Variants in KCNK2 observed in about 807,000 individuals in gnomAD.
The protein encoded by KCNK2 is potassium two pore domain channel subfamily K member 2.
KCNK2 carries 21 observed loss-of-function variants against 40.5 expected under a neutral mutation model. The observed-to-expected ratio is 0.52, with a 90% confidence interval of 0.37 to 0.75. The LOEUF (loss-of-function observed/expected upper bound fraction) is 0.75. Ranked by LOEUF, KCNK2 falls within the 30% of genes least tolerant of loss-of-function variation. KCNK2 has a pLI of 0.00. For missense variants in KCNK2, 399 were observed against 531.6 expected, an observed-to-expected ratio of 0.75 and a Z score of 2.45; for synonymous variants, 191 against 202.2, an observed-to-expected ratio of 0.94 and a Z score of 0.47.
intron 3 of KCNK2, among the ~76,000 whole-genome samples, chr1:215,166,343 A>G (rs976439619): frequency 2.0e-5 from 3 of 152,258 alleles, no homozygotes; most frequent in Middle Eastern, 3.4e-3. Flanking sequence ...GAGGATTCAA[A>G]AGATGAAAAT....
intron 5 of KCNK2, among the ~76,000 whole-genome samples, chr1:215,190,097 T>C (rs1249021381): frequency 6.6e-6 from 1 of 152,244 alleles, no homozygotes; most frequent in Admixed American, 6.5e-5. Context: ...AAAACCAGGA[T>C]ATATCTTTTT....
chr1:215,107,677 TA>T (rs1660490840), intron 2 of KCNK2, among the ~76,000 whole-genome samples: 1 of 152,140 alleles, frequency 6.6e-6, no homozygotes, highest in African/African-American at 2.4e-5. Flanking sequence ...TAGCCCATTT[TA>T]AAAATCAAGT....
intron 1 of KCNK2, among the ~76,000 whole-genome samples, chr1:215,034,554 CT>C (rs146364657): frequency 0.018 from 2,704 of 152,170 alleles, 78 homozygotes; most frequent in African/African-American, 0.062. Flanking sequence ...CTTGAAAGTT[CT>C]GGTTGCTGCA....
intron 5 of KCNK2, among the ~76,000 whole-genome samples, chr1:215,183,698 C>T (rs1439086979): frequency 6.6e-6 from 1 of 152,006 alleles, no homozygotes; most frequent in Non-Finnish European, 1.5e-5. Flanking sequence ...TTAAAAAATT[C>T]AGTTTGAAGT....
chr1:215,032,438 CT>C (rs202180057), intron 1 of KCNK2, among the ~76,000 whole-genome samples: 7 of 151,178 alleles, frequency 4.6e-5, no homozygotes, highest in East Asian at 1.9e-4. Flanking sequence ...AAACAGTAAA[CT>C]TTTTTTTTAT....
chr1:215,015,833 A>C (rs905863368), intron 1 of KCNK2, among the ~76,000 whole-genome samples: 1 of 152,174 alleles, frequency 6.6e-6, no homozygotes, highest in African/African-American at 2.4e-5. Context: ...ATACTGAGCA[A>C]ACATAAAATT....
At chr1:215,151,304 C>T (rs1483812376) in intron 3 of KCNK2, among the ~76,000 whole-genome samples, 1 of 152,100 alleles carries the variant, frequency 6.6e-6, no homozygotes, top group Non-Finnish European at 1.5e-5. Flanking sequence ...CACCCTTATT[C>T]ATTGGTTAGT....
intron 6 of KCNK2, among the ~76,000 whole-genome samples, chr1:215,196,495 C>T (rs1204754669): frequency 6.6e-6 from 1 of 152,282 alleles, no homozygotes; most frequent in Non-Finnish European, 1.5e-5. Flanking sequence ...TGGGAATTTA[C>T]TTATTCAGTC....
chr1:215,062,534 G>A (rs1430107349), intron 1 of KCNK2, among the ~76,000 whole-genome samples: 4 of 151,092 alleles, frequency 2.6e-5, no homozygotes, highest in Non-Finnish European at 4.4e-5. Flanking sequence ...GATGAACATG[G>A]AAACAAGAAC....
intron 5 of KCNK2, among the ~76,000 whole-genome samples, chr1:215,191,190 C>T (rs963022445): frequency 2.0e-5 from 3 of 151,084 alleles, no homozygotes; most frequent in African/African-American, 7.3e-5. Flanking sequence ...GAAGCTGAGG[C>T]AGGAGAATCG....
chr1:215,191,843 C>A, intron 5 of KCNK2, among the ~76,000 whole-genome samples: 1 of 151,814 alleles, frequency 6.6e-6, no homozygotes, highest in East Asian at 1.9e-4. Flanking sequence ...GGTGGGGAAC[C>A]TAGGAGGGGA....
chr1:215,215,512 T>C (rs922924171), intron 6 of KCNK2, among the ~76,000 whole-genome samples: 15 of 152,010 alleles, frequency 9.9e-5, no homozygotes, highest in African/African-American at 3.6e-4. Flanking sequence ...GCAGTGGGAG[T>C]GAAGGAGTTC....
intron 1 of KCNK2, among the ~76,000 whole-genome samples, chr1:215,064,451 A>G (rs539603483): frequency 9.9e-5 from 15 of 152,190 alleles, no homozygotes; most frequent in Non-Finnish European, 1.9e-4. Context: ...AGTCCTAGAC[A>G]GGATGTTTGA....
chr1:215,231,747 C>T (rs982541399), intron 6 of KCNK2, among the ~76,000 whole-genome samples: 2 of 152,138 alleles, frequency 1.3e-5, no homozygotes, highest in Non-Finnish European at 2.9e-5. Flanking sequence ...ATACCTGAGA[C>T]TCAGTAATTT....
At chr1:215,037,774 G>A (rs1295706331) in intron 1 of KCNK2, among the ~76,000 whole-genome samples, 2 of 151,784 alleles carry the variant, frequency 1.3e-5, no homozygotes, top group Non-Finnish European at 2.9e-5. Context: ...TTAATAATTT[G>A]TGTTATTCAG....
chr1:215,235,011 A>G lies in KCNK2; in HGVS notation c.1147A>G (p.Thr383Ala), dbSNP rs1211801368. ...HNQELTPCRRTLSVNHLTSER... is the reference protein window; with the variant it reads ...HNQELTPCRRALSVNHLTSER... ...TCAGGAGCTGACTCCTTGTAGGAGG[A>G]CCCTGTCAGTGAACCACCTGACCAG... The change falls in exon 7 of 7, where the codon ACC (threonine) becomes GCC (alanine). Residue 383 changes from threonine (T) to alanine (A), a missense_variant. Around this residue, in one of 3 missense-constraint regions of KCNK2, gnomAD observed 103 missense variants for 124.3 expected, o/e 0.83. Coordinates refer to ENST00000444842, the MANE Select transcript of KCNK2 (RefSeq NM_001017425.3). 1.9e-6 allele frequency: 3 copies of G among 1,613,914 alleles called. No individual in the cohort carries two copies. The highest frequency in any genetic ancestry group is 2.5e-6 in the Non-Finnish European group (3 of 1,180,010).
At chr1:215,172,932 G>A (rs550454085) in intron 5 of KCNK2, among the ~76,000 whole-genome samples, 1 of 152,162 alleles carries the variant, frequency 6.6e-6, no homozygotes, top group Non-Finnish European at 1.5e-5. Flanking sequence ...ACAGGCACAA[G>A]CCACTACGCC....
chr1:215,232,819 AAAAT>A (rs1284628170), intron 6 of KCNK2, among the ~76,000 whole-genome samples: 1 of 152,232 alleles, frequency 6.6e-6, no homozygotes, highest in Non-Finnish European at 1.5e-5. Flanking sequence ...GGTGGTAACC[AAAAT>A]AAACCTGATG....
At chr1:215,139,270 T>C (rs1662061119) in intron 3 of KCNK2, among the ~76,000 whole-genome samples, 1 of 152,194 alleles carries the variant, frequency 6.6e-6, no homozygotes, top group Admixed American at 6.5e-5. Context: ...AGTGTGTGTG[T>C]CTATAATTAA....
Sources: allele counts gnomAD v4.1 joint callset (sites outside exome capture counted in the v4.1 genomes callset), GRCh38; gene constraint gnomAD v4.1.1; regional missense constraint gnomAD v4.1.1; transcripts MANE v1.5; gene names NCBI Gene and HGNC (gene_info 2026-07-23, HGNC 2026-07-21).